The following RGS7BP variants were observed in gnomAD, a reference collection of about 807,000 sequenced individuals.
RGS7BP encodes the protein regulator of G protein signaling 7 binding protein, also known as regulator of G protein signaling 7-binding protein.
Under a neutral mutation model 31.3 loss-of-function variants are expected in RGS7BP, and 9 were observed. The ratio of observed to expected loss-of-function variants is 0.29; its 90% CI spans 0.17 to 0.50. The LOEUF is 0.50. RGS7BP is among the 20% of genes least tolerant of loss of function. RGS7BP has a pLI of 0.98. For synonymous variants in RGS7BP, 115 were observed against 120.1 expected, an observed-to-expected ratio of 0.96 and a Z score of 0.28; for missense variants, 274 against 322.0, an observed-to-expected ratio of 0.85 and a Z score of 1.14.
At chr5:64,559,187 A>G (rs2032162585) in intron 2 of RGS7BP, among the ~76,000 whole-genome samples, 1 of 152,120 alleles carries the variant, frequency 6.6e-6, no homozygotes, top group South Asian at 2.1e-4. Flanking sequence ...CTGGGGCATC[A>G]CAGAACCTGC....
At chr5:64,609,136 A>C in intron 5 of RGS7BP, 25 bp from the exon 6 acceptor site, 2 of 1,433,360 alleles carry the variant, frequency 1.4e-6, no homozygotes, top group Non-Finnish European at 2.0e-6. Flanking sequence ...TACCTCACTT[A>C]TGTGCACATT....
At position 64,551,358 on chromosome 5, in the gene RGS7BP, A is replaced by G. The variant is rs575419233; in HGVS notation, c.333-24416A>G. On this transcript the variant is annotated intron_variant, in intron 2 of 5. Coordinates refer to ENST00000334025, the MANE Select transcript of RGS7BP (RefSeq NM_001029875.3). Reference sequence around the variant, plus strand: ...GCTCACTGCAACCTCTGCCTCCCCAATTCAAGCAATTCTCCTGCCTCAGCC... The same window carrying G: ...GCTCACTGCAACCTCTGCCTCCCCAGTTCAAGCAATTCTCCTGCCTCAGCC... 1.2e-4 allele frequency among the ~76,000 whole-genome samples: 18 copies of G among 150,576 alleles called. No individual in the cohort carries two copies. In the South Asian group the frequency reaches 3.1e-3, roughly 26 times the overall value.
Position 64,576,657 on chromosome 5 carries a change from C to T in RGS7BP, c.463+753C>T, listed in dbSNP as rs1025885110. ...TGCCTAAACCAATCACTGTAGATAG[C>T]GGGGAGGAATTCCATTGACTGGTTA... On this transcript the variant is annotated intron_variant, in intron 3 of 5. Transcript: ENST00000334025. Among the ~76,000 whole-genome samples, 9 of 152,106 alleles carry T rather than the reference C, an allele frequency of 5.9e-5. No individual in the cohort carries two copies. In the East Asian group the frequency reaches 9.6e-4, roughly 16 times the overall value.
At chr5:64,511,625 C>T (rs986590595) in intron 2 of RGS7BP, among the ~76,000 whole-genome samples, 3 of 152,158 alleles carry the variant, frequency 2.0e-5, no homozygotes, top group Non-Finnish European at 4.4e-5. Context: ...ACTTCCTTCT[C>T]AAAGTGACTT....
rs1394872085 is a variant in RGS7BP, at chr5:64,507,699, C to T, written c.166-12C>T. The T allele has an allele frequency of 6.5e-7, 1 of 1,549,244 alleles. No individual in the cohort carries two copies. Among genetic ancestry groups the T allele is most frequent in the Admixed American group, 2.1e-5 (1 of 48,218 alleles). On this transcript the variant is annotated splice_polypyrimidine_tract_variant and intron_variant, in intron 1 of 5. Coordinates refer to ENST00000334025, the MANE Select transcript of RGS7BP (RefSeq NM_001029875.3). ...TGTTTGGTAAAAAAAAAAAAACTCA[C>T]TTCTTTTCCAGCTTGTCCAAGAGTT... is the stretch of plus-strand genomic sequence containing the variant.
intron 2 of RGS7BP, among the ~76,000 whole-genome samples, chr5:64,528,357 A>G (rs1246988384): frequency 1.3e-5 from 2 of 152,208 alleles, no homozygotes; most frequent in African/African-American, 4.8e-5. Context: ...ATTGGTGGTT[A>G]TGAAGATAAA....
intron 2 of RGS7BP, among the ~76,000 whole-genome samples, chr5:64,524,260 C>G (rs1749178344): frequency 6.6e-6 from 1 of 152,194 alleles, no homozygotes; most frequent in South Asian, 2.1e-4. Flanking sequence ...TCAAACATTT[C>G]CTTTCCAAAA....
At chr5:64,559,576 C>T (rs1215793707) in intron 2 of RGS7BP, among the ~76,000 whole-genome samples, 2 of 152,014 alleles carry the variant, frequency 1.3e-5, no homozygotes, top group Non-Finnish European at 2.9e-5. Flanking sequence ...CAGGCTAACA[C>T]CTTAGCCAAT....
At chr5:64,560,346 C>G (rs1235566308) in intron 2 of RGS7BP, among the ~76,000 whole-genome samples, 2 of 152,050 alleles carry the variant, frequency 1.3e-5, no homozygotes, top group Admixed American at 1.3e-4. Context: ...GGATAGAGCC[C>G]TGCATTCTGT....
intron 2 of RGS7BP, among the ~76,000 whole-genome samples, chr5:64,549,677 C>T (rs1373152248): frequency 6.6e-6 from 1 of 152,200 alleles, no homozygotes; most frequent in African/African-American, 2.4e-5. Context: ...ACTGGCAGTG[C>T]TTCTGCTCAT....
chr5:64,600,247 A>G (rs2111971972), intron 5 of RGS7BP, among the ~76,000 whole-genome samples: 1 of 152,230 alleles, frequency 6.6e-6, no homozygotes, highest in South Asian at 2.1e-4. Flanking sequence ...CAGCTTTCCT[A>G]GAGGATGGCT....
At chr5:64,552,149 G>A (rs1476174251) in intron 2 of RGS7BP, among the ~76,000 whole-genome samples, 1 of 152,116 alleles carries the variant, frequency 6.6e-6, no homozygotes, top group East Asian at 1.9e-4. Flanking sequence ...AATAAAATAT[G>A]TCTTTTGATG....
intron 2 of RGS7BP, among the ~76,000 whole-genome samples, chr5:64,551,598 G>T (rs1741798358): frequency 6.6e-6 from 1 of 151,812 alleles, no homozygotes; most frequent in South Asian, 2.1e-4. Context: ...TTCATCTTTA[G>T]ACATCAAGTA....
intron 2 of RGS7BP, chr5:64,575,535 T>C (rs1742396353): frequency 8.9e-6 from 4 of 447,334 alleles, no homozygotes; most frequent in Non-Finnish European, 1.4e-5. Context: ...TTTATGATTT[T>C]AAGCTCCCGG....
chr5:64,565,815 CT>C (rs1238051411), intron 2 of RGS7BP, among the ~76,000 whole-genome samples: 3 of 152,096 alleles, frequency 2.0e-5, no homozygotes, highest in African/African-American at 7.2e-5. Context: ...ATACTGGCCT[CT>C]TCTGTTTGCA....
At chr5:64,511,686 G>A (rs1748840619) in intron 2 of RGS7BP, among the ~76,000 whole-genome samples, 1 of 152,124 alleles carries the variant, frequency 6.6e-6, no homozygotes, top group Admixed American at 6.5e-5. Flanking sequence ...TATATTTGAG[G>A]AGTCTAAGAT....
intron 2 of RGS7BP, among the ~76,000 whole-genome samples, chr5:64,540,465 A>T (rs917960557): frequency 1.3e-5 from 2 of 152,176 alleles, no homozygotes; most frequent in Non-Finnish European, 2.9e-5. Context: ...GACTATAATA[A>T]AATCTCCAAT....
chr5:64,529,066 G>T (rs1443929616), intron 2 of RGS7BP, among the ~76,000 whole-genome samples: 1 of 152,042 alleles, frequency 6.6e-6, no homozygotes, highest in Non-Finnish European at 1.5e-5. Flanking sequence ...AAAACTTATA[G>T]ATTTTAGCTT....
chr5:64,546,481 G>A (rs975689437), intron 2 of RGS7BP, among the ~76,000 whole-genome samples: 5 of 152,082 alleles, frequency 3.3e-5, no homozygotes, highest in Non-Finnish European at 5.9e-5. Context: ...TAAAATAGCC[G>A]AAAACAGTCC....
Sources: allele counts gnomAD v4.1 joint callset (sites outside exome capture counted in the v4.1 genomes callset), GRCh38; gene constraint gnomAD v4.1.1; transcripts MANE v1.5; gene names NCBI Gene and HGNC (gene_info 2026-07-23, HGNC 2026-07-21).